Variants in ANO1 observed in about 807,000 individuals in gnomAD.
ANO1 encodes the protein anoctamin 1.
ANO1 carries 59 observed loss-of-function variants against 124.0 expected under a neutral mutation model. The observed-to-expected ratio is 0.48, with a 90% CI of 0.39 to 0.59. ANO1 has a LOEUF of 0.59. ANO1 is among the 20% of genes least tolerant of loss of function. The pLI is 0.00. For missense variants in ANO1, 1,059 were observed against 1,328.0 expected (o/e 0.80, Z 3.15); for synonymous variants, 529 against 532.0 (o/e 0.99, Z 0.08).
intron 1 of ANO1, among the ~76,000 whole-genome samples, chr11:70,062,472 C>G (rs1341034244): frequency 6.6e-6 from 1 of 152,174 alleles, no homozygotes; most frequent in Non-Finnish European, 1.5e-5. Context: ...TCCTGCACCC[C>G]CCAGTAGACA....
intron 5 of ANO1, 114 bp downstream of exon 5, chr11:70,105,902 T>C: frequency 1.8e-6 from 2 of 1,124,840 alleles, no homozygotes; most frequent in Non-Finnish European, 2.6e-6. Context: ...TAATTGTCTG[T>C]GACAGAAATA....
chr11:69,972,541 G>C, the ANO1 span, among the ~76,000 whole-genome samples: 1 of 152,154 alleles, frequency 6.6e-6, no homozygotes, highest in Non-Finnish European at 1.5e-5. Flanking sequence ...TAATTAACAT[G>C]ATATGTATCG....
intron 19 of ANO1, 82 bp downstream of exon 19, chr11:70,163,422 C>A: frequency 6.6e-7 from 1 of 1,506,932 alleles, no homozygotes; most frequent in Non-Finnish European, 9.2e-7. Context: ...GGAGAAGCAG[C>A]TGCAGCACAT....
chr11:70,175,450 G>A (rs2048656469), intron 22 of ANO1, among the ~76,000 whole-genome samples: 1 of 152,266 alleles, frequency 6.6e-6, no homozygotes, highest in Admixed American at 6.5e-5. Flanking sequence ...TGTGGCCCCT[G>A]TGACCTGCGC....
intron 2 of ANO1, among the ~76,000 whole-genome samples, chr11:70,092,422 G>A (rs2044669749): frequency 6.6e-6 from 1 of 152,194 alleles, no homozygotes; most frequent in Non-Finnish European, 1.5e-5. Context: ...GGGGCAGGCT[G>A]GAGCACGCGG....
Position 70,152,459 on chromosome 11 carries a change from A to T in ANO1, c.1351A>T (p.Lys451Ter). 1 of 1,612,794 alleles carries T rather than the reference A, an allele frequency of 6.2e-7. No homozygotes were observed. Among genetic ancestry groups the T allele is most frequent in the Non-Finnish European group, 8.5e-7 (1 of 1,179,384 alleles). Residue 451 changes from lysine (K) to a stop codon, truncating the protein, a stop_gained and splice_region_variant, in exon 13 of 26, where the codon AAG becomes TAG. Coordinates refer to ENST00000355303, the MANE Select transcript of ANO1 (RefSeq NM_018043.7). LOFTEE classifies it high-confidence loss of function. ...TGFEEEEEAV[K>*]DHPRAEYEAR... The stretch of plus-strand genomic sequence containing the variant: ...TTCTGGTTCCCTGAAGGAGGCTGTC[A>T]AGGTTTGGAACTTTTTGTCGCTCCT...
intron 1 of ANO1, among the ~76,000 whole-genome samples, chr11:69,998,541 A>C (rs868915981): frequency 9.9e-5 from 15 of 152,232 alleles, no homozygotes; most frequent in South Asian, 8.3e-4. Flanking sequence ...GTTCGAAGCC[A>C]TTATTAATAA....
At chr11:69,981,742 G>A (rs1855961810), upstream of ANO1, among the ~76,000 whole-genome samples, 1 of 152,230 alleles carries the variant, frequency 6.6e-6, no homozygotes, top group Non-Finnish European at 1.5e-5. Context: ...AGGCGCCTTT[G>A]TGGGCTCTCT....
chr11:69,969,679 T>G, the ANO1 span, among the ~76,000 whole-genome samples: 1 of 152,268 alleles, frequency 6.6e-6, no homozygotes, highest in South Asian at 2.1e-4. Flanking sequence ...CCAGGCACGG[T>G]GGCTCACACC....
Position 70,161,611 on chromosome 11 carries a change from C to T in ANO1, c.1781-11C>T, listed in dbSNP as rs781309649. ...GCCACAGCCTCAGTATCATCCTACC[C>T]CTCCCTCTAGAGGTCCCAAAGACGG... is the stretch of plus-strand genomic sequence containing the variant. On this transcript the variant is annotated splice_polypyrimidine_tract_variant and intron_variant, in intron 17 of 25. Transcript: ENST00000355303. 36 of 1,612,388 alleles carry T rather than the reference C, an allele frequency of 2.2e-5. No homozygotes were observed. In the South Asian group the frequency reaches 3.4e-4, roughly 15 times the overall value.
chr11:70,082,766 C>A (rs2044241841), intron 1 of ANO1, among the ~76,000 whole-genome samples: 2 of 152,152 alleles, frequency 1.3e-5, no homozygotes, highest in African/African-American at 2.4e-5. Flanking sequence ...AAGAAAGGCA[C>A]CCACTCCACT....
At chr11:70,176,727 T>C (rs2048716023) in intron 22 of ANO1, among the ~76,000 whole-genome samples, 1 of 152,122 alleles carries the variant, frequency 6.6e-6, no homozygotes, top group Admixed American at 6.5e-5. Context: ...CCTGAACCAG[T>C]CTTTCAGGTT....
chr11:70,142,450 G>A (rs1298912809), intron 11 of ANO1, among the ~76,000 whole-genome samples: 6 of 152,258 alleles, frequency 3.9e-5, no homozygotes, highest in African/African-American at 1.4e-4. Flanking sequence ...GTGACTCAGA[G>A]CGAAAGAGAA....
At chr11:69,996,955 G>A (rs1224897166) in intron 1 of ANO1, among the ~76,000 whole-genome samples, 2 of 152,124 alleles carry the variant, frequency 1.3e-5, no homozygotes, top group Admixed American at 6.5e-5. Context: ...AAGATCCCAG[G>A]GTGTGGGGTG....
chr11:70,039,712 G>A (rs559723826), intron 1 of ANO1, among the ~76,000 whole-genome samples: 5 of 152,164 alleles, frequency 3.3e-5, no homozygotes, highest in East Asian at 1.9e-4. Flanking sequence ...GGAAGAGGGC[G>A]TCCAGAAGTC....
chr11:70,158,804 G>T (rs892942852), intron 16 of ANO1, among the ~76,000 whole-genome samples: 1 of 151,964 alleles, frequency 6.6e-6, no homozygotes, highest in African/African-American at 2.4e-5. Flanking sequence ...TCAGTGGTGG[G>T]GCCTGCTCAT....
intron 1 of ANO1, among the ~76,000 whole-genome samples, chr11:70,002,461 C>CAAAAAAAAAAAAAAA (rs56246522): frequency 1.9e-4 from 18 of 94,918 alleles, no homozygotes; most frequent in South Asian, 4.6e-4. Context: ...GAGACTCCAC[C>CAAAAAAAAAAAAAAA]AAAAAAAAAA....
intron 1 of ANO1, among the ~76,000 whole-genome samples, chr11:69,987,722 G>C (rs1379167331): frequency 6.6e-6 from 1 of 151,682 alleles, no homozygotes; most frequent in Non-Finnish European, 1.5e-5. Flanking sequence ...ACCCAGCAAT[G>C]CTTCTAGGAC....
intron 1 of ANO1, among the ~76,000 whole-genome samples, chr11:70,048,395 T>C (rs887837562): frequency 2.0e-5 from 3 of 152,220 alleles, no homozygotes; most frequent in Non-Finnish European, 4.4e-5. Flanking sequence ...TATTCTTTTT[T>C]TCCCCCAACT....
Sources: gnomAD v4.1 joint callset for allele counts (sites outside exome capture counted in the v4.1 genomes callset) on GRCh38, gnomAD v4.1.1 for gene constraint, MANE v1.5 for transcripts, NCBI Gene and HGNC (gene_info 2026-07-23, HGNC 2026-07-21) for gene names.